The following MAGI2 variants were observed in gnomAD, a reference collection of about 807,000 sequenced individuals.
MAGI2 encodes membrane associated guanylate kinase, WW and PDZ domain containing 2.
In MAGI2, 35 loss-of-function variants were observed where a neutral mutation model predicts 133.3. That is an observed-to-expected ratio of 0.26 (90% CI 0.20 to 0.35). MAGI2 has a LOEUF of 0.35. Ranked by LOEUF, MAGI2 falls within the 10% of genes least tolerant of loss-of-function variation. The probability of loss-of-function intolerance (pLI) is 1.00; values close to 1 mark genes in which losing one functional copy is unlikely to be tolerated. For missense variants in MAGI2, 1,636 were observed against 1,863.4 expected, an observed-to-expected ratio of 0.88 and a Z score of 2.25; for synonymous variants, 729 against 710.6, an observed-to-expected ratio of 1.03 and a Z score of -0.41.
chr7:78,147,725 A>G (rs889556628), intron 16 of MAGI2, among the ~76,000 whole-genome samples: 2 of 152,048 alleles, frequency 1.3e-5, no homozygotes, highest in Admixed American at 6.6e-5. Context: ...GTCTTTAGAG[A>G]AAAACGCAAA....
At chr7:78,728,260 TTAGATTA>T (rs1392309108) in intron 2 of MAGI2, among the ~76,000 whole-genome samples, 5 of 149,382 alleles carry the variant, frequency 3.3e-5, no homozygotes, top group African/African-American at 1.2e-4. Context: ...GATCTTTATT[TTAGATTA>T]TAGATTATTA....
intron 16 of MAGI2, among the ~76,000 whole-genome samples, chr7:78,153,149 A>G (rs1489024648): frequency 6.6e-6 from 1 of 152,208 alleles, no homozygotes; most frequent in East Asian, 1.9e-4. Flanking sequence ...AGTTGCATCT[A>G]TTACCTGTGT....
chr7:78,653,874 T>G (rs571286309), intron 2 of MAGI2, among the ~76,000 whole-genome samples: 4 of 152,246 alleles, frequency 2.6e-5, no homozygotes, highest in African/African-American at 9.6e-5. Context: ...TTTAGTACTC[T>G]GAGGTCAAAA....
chr7:78,776,793 T>C (rs1354110000), intron 2 of MAGI2, among the ~76,000 whole-genome samples: 1 of 152,206 alleles, frequency 6.6e-6, no homozygotes, highest in African/African-American at 2.4e-5. Context: ...TTTTGCAAAC[T>C]ATAGGCAAGC....
intron 1 of MAGI2, among the ~76,000 whole-genome samples, chr7:79,076,441 A>G (rs1815470735): frequency 6.6e-6 from 1 of 152,158 alleles, no homozygotes; most frequent in Admixed American, 6.5e-5. Context: ...CATAAATATG[A>G]TTTTTCTTCC....
At chr7:79,318,674 T>C (rs1323562462) in intron 1 of MAGI2, among the ~76,000 whole-genome samples, 1 of 152,240 alleles carries the variant, frequency 6.6e-6, no homozygotes, top group Non-Finnish European at 1.5e-5. Context: ...GATTCTCTTG[T>C]ACTACGTATT....
intron 2 of MAGI2, among the ~76,000 whole-genome samples, chr7:78,893,129 A>G (rs79310319): frequency 0.5 from 72,480 of 146,350 alleles, 18,702 homozygotes; most frequent in South Asian, 0.65. Flanking sequence ...ACATGAAAAA[A>G]TGCTCATCAT....
chr7:78,982,559 A>G (rs918822132), intron 2 of MAGI2, among the ~76,000 whole-genome samples: 4 of 151,896 alleles, frequency 2.6e-5, no homozygotes, highest in Non-Finnish European at 5.9e-5. Context: ...GATAAGAGAA[A>G]TAAATACTTA....
rs185049666 is a variant in MAGI2 at position 78,290,413 on chromosome 7, T to C, written c.1409-33832A>G. Among the ~76,000 whole-genome samples, 260 of 152,296 alleles carry C rather than the reference T, an allele frequency of 1.7e-3. 3 individuals are homozygous for C. In the East Asian group the frequency reaches 0.039, roughly 23 times the overall value. ...AAGAGCTAACTATCCTAAATATATA[T>C]GCACCCAATACAGGAGCACCCAGAT... is the stretch of plus-strand genomic sequence containing the variant. On this transcript the variant is annotated intron_variant, in intron 9 of 21. Transcript: ENST00000354212.
intron 1 of MAGI2, among the ~76,000 whole-genome samples, chr7:79,433,546 C>CT (rs748642419): frequency 6.7e-6 from 1 of 149,922 alleles, no homozygotes; most frequent in Non-Finnish European, 1.5e-5. Flanking sequence ...GAGCAAGACT[C>CT]TGTCTCAAAA....
Position 78,153,409 on chromosome 7 carries a change from T to A in MAGI2, c.2845+6616A>T, listed in dbSNP as rs138256271. On this transcript the variant is annotated intron_variant, in intron 16 of 21. Coordinates refer to ENST00000354212, the MANE Select transcript of MAGI2 (RefSeq NM_012301.4). ...CCAGGCGTAGAGCCTCCTGGGGGAC[T>A]GCCTCTTGCTGCCATCAGCCTCATT... 3.0e-3 allele frequency among the ~76,000 whole-genome samples: 464 copies of A among 152,310 alleles called. 1 individual carries two copies. The highest frequency in any genetic ancestry group is 5.1e-3 in the Non-Finnish European group (348 of 68,022).
chr7:78,943,304 G>A (rs1201559939), intron 2 of MAGI2, among the ~76,000 whole-genome samples: 1 of 152,126 alleles, frequency 6.6e-6, no homozygotes, highest in African/African-American at 2.4e-5. Flanking sequence ...AATAGAACAT[G>A]TAACAGGAGG....
chr7:78,349,182 C>T (rs191796898), intron 7 of MAGI2, among the ~76,000 whole-genome samples: 2 of 152,264 alleles, frequency 1.3e-5, no homozygotes, highest in East Asian at 1.9e-4. Context: ...CTTCTATATA[C>T]AGGATACATG....
At chr7:78,548,634 G>T (rs1479325984) in intron 3 of MAGI2, among the ~76,000 whole-genome samples, 5 of 152,198 alleles carry the variant, frequency 3.3e-5, no homozygotes, top group Non-Finnish European at 5.9e-5. Flanking sequence ...GGTGGAGGTT[G>T]TAGTGAGCTG....
chr7:78,713,529 G>A (rs1371479221), intron 2 of MAGI2, among the ~76,000 whole-genome samples: 1 of 152,092 alleles, frequency 6.6e-6, no homozygotes, highest in African/African-American at 2.4e-5. Context: ...GACAGACTCA[G>A]TCTTACAGAA....
At chr7:78,539,134 A>G (rs1234553489) in intron 3 of MAGI2, among the ~76,000 whole-genome samples, 1 of 152,220 alleles carries the variant, frequency 6.6e-6, no homozygotes, top group Non-Finnish European at 1.5e-5. Flanking sequence ...TCCATTCAGA[A>G]TAACATTGGC....
chr7:78,171,159 A>G (rs1233762067), intron 14 of MAGI2, among the ~76,000 whole-genome samples: 1 of 152,156 alleles, frequency 6.6e-6, no homozygotes, highest in Non-Finnish European at 1.5e-5. Context: ...GAAAAAAACA[A>G]CTTTTTTCAT....
At chr7:79,445,676 G>T (rs533172425) in intron 1 of MAGI2, among the ~76,000 whole-genome samples, 9 of 152,208 alleles carry the variant, frequency 5.9e-5, no homozygotes, top group African/African-American at 9.6e-5. Context: ...ACAGGCGCTG[G>T]AGAGGATGTG....
chr7:78,702,348 G>C (rs1818165714), intron 2 of MAGI2, among the ~76,000 whole-genome samples: 1 of 151,866 alleles, frequency 6.6e-6, no homozygotes, highest in Admixed American at 6.6e-5. Flanking sequence ...TAACTTCTAA[G>C]AGCTGTAATG....
Sources: allele counts gnomAD v4.1 joint callset (sites outside exome capture counted in the v4.1 genomes callset), GRCh38; gene constraint gnomAD v4.1.1; transcripts MANE v1.5; gene names NCBI Gene and HGNC (gene_info 2026-07-23, HGNC 2026-07-21).